NKAIN3: variants seen among roughly 807,000 people sequenced by gnomAD.
The protein encoded by NKAIN3 is sodium/potassium-transporting ATPase subunit beta-1-interacting protein 3.
In NKAIN3, 25 loss-of-function variants were observed where a neutral mutation model predicts 30.2. The observed-to-expected ratio is 0.83, with a 90% CI of 0.60 to 1.16. NKAIN3 has a LOEUF of 1.16. NKAIN3 is among the 50% of genes most tolerant of loss of function. The probability of loss-of-function intolerance (pLI) is 0.00; values close to 1 mark genes in which losing one functional copy is unlikely to be tolerated. For synonymous variants in NKAIN3, 91 were observed against 89.6 expected (o/e 1.02, Z -0.09); for missense variants, 225 against 254.1 (o/e 0.89, Z 0.78).
At chr8:62,870,250 CTATATATATATCTATATATAGATATA>C (rs1820570402) in intron 4 of NKAIN3, among the ~76,000 whole-genome samples, 1 of 98,906 alleles carries the variant, frequency 1.0e-5, no homozygotes, top group Non-Finnish European at 1.9e-5. Context: ...CTATAGATAT[CTATATATATATCTATATATAGATATA>C]TATAAATATC....
intron 5 of NKAIN3, among the ~76,000 whole-genome samples, chr8:62,927,525 G>T (rs1054257040): frequency 1.1e-4 from 16 of 152,100 alleles, no homozygotes; most frequent in Non-Finnish European, 4.4e-5. Context: ...TTTAAGTGAT[G>T]TATATCCCAA....
chr8:62,835,766 A>G lies in NKAIN3; in HGVS notation c.472-82687A>G, dbSNP rs145324233. On this transcript the variant is annotated intron_variant, in intron 4 of 6. Coordinates refer to ENST00000623646, the MANE Select transcript of NKAIN3 (RefSeq NM_001304533.3). ...GGGAATATAAATTAGATTACCTTCC[A>G]TAGAAAGTGGCTTGGAAATTTCTCA... Among the ~76,000 whole-genome samples, 1,368 of 152,122 alleles carry G rather than the reference A, an allele frequency of 9.0e-3. 23 individuals are homozygous for G. The highest frequency in any genetic ancestry group is 0.031 in the African/African-American group (1,298 of 41,536).
intron 4 of NKAIN3, among the ~76,000 whole-genome samples, chr8:62,807,064 A>T (rs1053364515): frequency 6.6e-6 from 1 of 152,144 alleles, no homozygotes; most frequent in Non-Finnish European, 1.5e-5. Context: ...TCACGTATTT[A>T]GTTTGTTAAA....
intron 1 of NKAIN3, among the ~76,000 whole-genome samples, chr8:62,534,032 G>A (rs536332653): frequency 3.0e-4 from 45 of 152,222 alleles, no homozygotes; most frequent in African/African-American, 1.1e-3. Context: ...TGGCAACTTC[G>A]TGAAAACAAG....
rs139792750 is a variant in NKAIN3 at position 62,637,329 on chromosome 8, C to A, written c.273+47535C>A. 5.9e-5 allele frequency among the ~76,000 whole-genome samples: 9 copies of A among 152,294 alleles called. No individual in the cohort carries two copies. The East Asian group carries it at 1.5e-3, about 26-fold the overall frequency. On this transcript the variant is annotated intron_variant, in intron 3 of 6. Transcript: ENST00000623646. ...GCACCTGGGCAGTAGGATGCCCATGCAAATAAATGAGCTTCCTATCTCTGC... is the reference window on the plus strand; with the variant it reads ...GCACCTGGGCAGTAGGATGCCCATGAAAATAAATGAGCTTCCTATCTCTGC...
At chr8:62,453,104 G>C (rs1478628974) in intron 1 of NKAIN3, among the ~76,000 whole-genome samples, 1 of 152,024 alleles carries the variant, frequency 6.6e-6, no homozygotes, top group African/African-American at 2.4e-5. Context: ...AGTATTTTAA[G>C]TTTTCTTTAA....
At chr8:62,507,437 C>A (rs1185549629) in intron 1 of NKAIN3, among the ~76,000 whole-genome samples, 1 of 152,142 alleles carries the variant, frequency 6.6e-6, no homozygotes, top group Non-Finnish European at 1.5e-5. Context: ...TTGTTCAATT[C>A]TATTCTTCCC....
chr8:62,606,883 A>G (rs555876779), intron 3 of NKAIN3, among the ~76,000 whole-genome samples: 2 of 152,278 alleles, frequency 1.3e-5, no homozygotes, highest in African/African-American at 2.4e-5. Context: ...TGTGCTCATC[A>G]TTAGCTGAGA....
At chr8:62,327,865 C>T (rs534172394) in intron 1 of NKAIN3, among the ~76,000 whole-genome samples, 3 of 151,834 alleles carry the variant, frequency 2.0e-5, no homozygotes, top group South Asian at 2.1e-4. Context: ...AGATCATTTG[C>T]GGGGGGGATT....
At chr8:62,667,155 G>T (rs371200303) in intron 3 of NKAIN3, among the ~76,000 whole-genome samples, 1 of 109,128 alleles carries the variant, frequency 9.2e-6, no homozygotes, top group Admixed American at 1.1e-4. Context: ...TTGTGGGGTG[G>T]GGGGAGGGGA....
intron 4 of NKAIN3, among the ~76,000 whole-genome samples, chr8:62,794,634 A>G (rs1027879093): frequency 3.2e-4 from 48 of 152,288 alleles, no homozygotes; most frequent in Middle Eastern, 6.8e-3. Context: ...TTCTAGCCTC[A>G]TGTTCTTTCC....
chr8:62,800,062 G>T (rs1486859576), intron 4 of NKAIN3, among the ~76,000 whole-genome samples: 1 of 152,116 alleles, frequency 6.6e-6, no homozygotes, highest in Admixed American at 6.6e-5. Flanking sequence ...AGACTGGGAG[G>T]TGGGTGAGGG....
chr8:62,327,193 T>C (rs1815171026), intron 1 of NKAIN3, among the ~76,000 whole-genome samples: 1 of 151,968 alleles, frequency 6.6e-6, no homozygotes, highest in Non-Finnish European at 1.5e-5. Context: ...AGTTTAGGAG[T>C]TCTCTACATA....
At chr8:62,393,565 T>A (rs1053201811) in intron 1 of NKAIN3, among the ~76,000 whole-genome samples, 5 of 151,930 alleles carry the variant, frequency 3.3e-5, no homozygotes, top group South Asian at 2.1e-4. Flanking sequence ...CTTAAAAAAA[T>A]TTTTAAGCTT....
chr8:62,645,640 A>T (rs1361031091), intron 3 of NKAIN3, among the ~76,000 whole-genome samples: 1 of 152,154 alleles, frequency 6.6e-6, no homozygotes, highest in African/African-American at 2.4e-5. Context: ...GTGACAGATT[A>T]TGTGAAAGCT....
chr8:62,702,586 A>G (rs1283172034), intron 3 of NKAIN3, among the ~76,000 whole-genome samples: 2 of 152,178 alleles, frequency 1.3e-5, no homozygotes, highest in East Asian at 1.9e-4. Context: ...TAAAGTAAAC[A>G]TCGTTTATGT....
chr8:62,409,083 G>A (rs191737104), intron 1 of NKAIN3, among the ~76,000 whole-genome samples: 5 of 152,214 alleles, frequency 3.3e-5, no homozygotes, highest in South Asian at 4.2e-4. Flanking sequence ...TTTTTCATGC[G>A]CTTATATAAT....
intron 5 of NKAIN3, among the ~76,000 whole-genome samples, chr8:62,995,992 A>G (rs535418448): frequency 6.6e-6 from 1 of 152,336 alleles, no homozygotes; most frequent in South Asian, 2.1e-4. Flanking sequence ...TGCACTCTCA[A>G]GACTGAGAAC....
chr8:62,531,377 T>C (rs1563443087), intron 1 of NKAIN3, among the ~76,000 whole-genome samples: 1 of 152,226 alleles, frequency 6.6e-6, no homozygotes, highest in Admixed American at 6.5e-5. Context: ...ACTAACTTAC[T>C]TATCCCTAAA....
Sources: allele counts gnomAD v4.1 joint callset (sites outside exome capture counted in the v4.1 genomes callset), GRCh38; gene constraint gnomAD v4.1.1; transcripts MANE v1.5; gene names NCBI Gene and HGNC (gene_info 2026-07-23, HGNC 2026-07-21).